The following MEGF11 variants were observed in gnomAD, a reference collection of about 807,000 sequenced individuals.
The protein encoded by MEGF11 is multiple epidermal growth factor-like domains protein 11.
MEGF11 carries 126 observed loss-of-function variants against 146.6 expected under a neutral mutation model. The ratio of observed to expected loss-of-function variants is 0.86; its 90% CI spans 0.74 to 1.00. MEGF11 has a LOEUF of 1.00. Among genes scored for constraint, MEGF11 ranks in the 50% least tolerant of loss-of-function variants. MEGF11 has a pLI of 0.00. For synonymous variants in MEGF11, 532 were observed against 583.4 expected (o/e 0.91, Z 1.27); for missense variants, 1,509 against 1,521.2 (o/e 0.99, Z 0.13).
chr15:66,103,745 G>A (rs2086932643), intron 4 of MEGF11, among the ~76,000 whole-genome samples: 1 of 152,188 alleles, frequency 6.6e-6, no homozygotes, highest in Non-Finnish European at 1.5e-5. Context: ...GATGAGGAAA[G>A]GGAAACTCAG....
intron 1 of MEGF11, among the ~76,000 whole-genome samples, chr15:66,132,157 C>G (rs1377377527): frequency 6.6e-6 from 1 of 152,216 alleles, no homozygotes; most frequent in Non-Finnish European, 1.5e-5. Context: ...TGGCAGCATC[C>G]TCTGGAGGCC....
intron 10 of MEGF11, among the ~76,000 whole-genome samples, chr15:65,939,105 A>G (rs2079889133): frequency 6.6e-6 from 1 of 152,194 alleles, no homozygotes; most frequent in African/African-American, 2.4e-5. Flanking sequence ...CCCCTTAAAT[A>G]TGCTCTGTGG....
intron 12 of MEGF11, 67 bp downstream of exon 12, chr15:65,929,653 C>G: frequency 6.6e-7 from 1 of 1,503,794 alleles, no homozygotes; most frequent in Non-Finnish European, 8.9e-7. Flanking sequence ...TGTGGACGAA[C>G]TAACACCAGG....
rs139293240 is a variant in MEGF11, at chr15:66,235,292, A to C, written c.-9+18313T>G. ...CTGAGGAGGAGGATTGCTTGAGTCC[A>C]GAAGTTTGAGACCAGCCTGGGCAAT... is the stretch of plus-strand genomic sequence containing the variant. On this transcript the variant is annotated intron_variant, in intron 1 of 25. Transcript: ENST00000395614. Among the ~76,000 whole-genome samples, 496 of 152,218 alleles carry C rather than the reference A, an allele frequency of 3.3e-3. 4 individuals carry two copies. The highest frequency in any genetic ancestry group is 0.011 in the African/African-American group (465 of 41,520).
intron 1 of MEGF11, among the ~76,000 whole-genome samples, chr15:66,227,991 C>T (rs530990212): frequency 6.6e-6 from 1 of 152,186 alleles, no homozygotes; most frequent in Non-Finnish European, 1.5e-5. Flanking sequence ...AGCCCAAGAG[C>T]TAGTCCAGGT....
chr15:65,939,251 T>C (rs2079895084), intron 10 of MEGF11, among the ~76,000 whole-genome samples: 1 of 152,154 alleles, frequency 6.6e-6, no homozygotes, highest in Non-Finnish European at 1.5e-5. Flanking sequence ...GGCTCAGCTA[T>C]CCTTTTGTTG....
intron 10 of MEGF11, among the ~76,000 whole-genome samples, chr15:65,957,231 GTC>G (rs1361259422): frequency 6.6e-6 from 1 of 152,208 alleles, no homozygotes; most frequent in Non-Finnish European, 1.5e-5. Context: ...ATGCAAAACT[GTC>G]TCTGTACATT....
chr15:66,025,776 T>C (rs975173566), intron 5 of MEGF11, among the ~76,000 whole-genome samples: 1 of 152,186 alleles, frequency 6.6e-6, no homozygotes, highest in South Asian at 2.1e-4. Context: ...CTTACACTTC[T>C]GTGAACTTCT....
intron 1 of MEGF11, among the ~76,000 whole-genome samples, chr15:66,156,907 C>T (rs1047850370): frequency 1.3e-5 from 2 of 152,078 alleles, no homozygotes; most frequent in Non-Finnish European, 2.9e-5. Flanking sequence ...CCCCTAAACC[C>T]CAACCTGTCC....
At chr15:65,946,826 C>A (rs1282822537) in intron 10 of MEGF11, among the ~76,000 whole-genome samples, 19 of 152,286 alleles carry the variant, frequency 1.2e-4, no homozygotes, top group African/African-American at 4.6e-4. Flanking sequence ...AAGCACAAGA[C>A]CCCACCTTGG....
At chr15:65,911,567 A>G (rs2078808617) in intron 21 of MEGF11, among the ~76,000 whole-genome samples, 2 of 152,164 alleles carry the variant, frequency 1.3e-5, no homozygotes, top group Non-Finnish European at 2.9e-5. Flanking sequence ...GTATGCCACC[A>G]TGCCCAGCTA....
At chr15:66,237,625 G>T (rs1032509810) in intron 1 of MEGF11, among the ~76,000 whole-genome samples, 1 of 152,152 alleles carries the variant, frequency 6.6e-6, no homozygotes, top group Non-Finnish European at 1.5e-5. Flanking sequence ...ATAACAACAG[G>T]ACCTCCTTCC....
intron 5 of MEGF11, among the ~76,000 whole-genome samples, chr15:66,083,205 G>T (rs1013351946): frequency 6.6e-6 from 1 of 152,192 alleles, no homozygotes; most frequent in Admixed American, 6.5e-5. Flanking sequence ...GCCTCCCCAG[G>T]AGCACAATCA....
intron 5 of MEGF11, among the ~76,000 whole-genome samples, chr15:66,044,636 T>G (rs150375334): frequency 6.6e-6 from 1 of 151,434 alleles, no homozygotes; most frequent in African/African-American, 2.4e-5. Context: ...AGTCCAGAAG[T>G]TTGAGACCAG....
chr15:66,228,464 C>A (rs184507932), intron 1 of MEGF11, among the ~76,000 whole-genome samples: 50 of 152,216 alleles, frequency 3.3e-4, no homozygotes, highest in African/African-American at 1.2e-3. Flanking sequence ...AGAGGGGGTG[C>A]CCATGCACTC....
chr15:66,054,298 CTT>C (rs1267803772), intron 5 of MEGF11, among the ~76,000 whole-genome samples: 1 of 152,194 alleles, frequency 6.6e-6, no homozygotes, highest in Non-Finnish European at 1.5e-5. Context: ...CAGGTCCCCT[CTT>C]GGTTTAAAAT....
At chr15:66,118,032 C>G (rs1364410608) in intron 4 of MEGF11, among the ~76,000 whole-genome samples, 1 of 152,146 alleles carries the variant, frequency 6.6e-6, no homozygotes, top group Non-Finnish European at 1.5e-5. Flanking sequence ...CCCTCTGGTG[C>G]GAACTCTCTC....
intron 7 of MEGF11, among the ~76,000 whole-genome samples, chr15:65,979,520 G>A (rs1039439258): frequency 6.6e-6 from 1 of 152,190 alleles, no homozygotes; most frequent in African/African-American, 2.4e-5. Flanking sequence ...AGGGGAGGTG[G>A]TGGACTGTGT....
rs1212391803 is a variant in MEGF11 at position 65,909,153 on chromosome 15, A to G, written c.2897-18T>C. On this transcript the variant is annotated intron_variant, in intron 22 of 25. Coordinates refer to ENST00000395614, the MANE Select transcript of MEGF11 (RefSeq NM_001385028.1). ...ATGGGAGTCTAGTGAGAGGAATGAC[A>G]GGGAGGAGCCATTATTCCCAGGGCC... The G allele has an allele frequency of 8.8e-6, 13 of 1,483,304 alleles. No homozygotes were observed. The East Asian group carries it at 3.0e-4, about 34-fold the overall frequency. 91.9% of individuals were successfully genotyped at this position (1,483,304 alleles called of 1,614,324 possible). A position where few individuals can be genotyped will look rare whatever the true frequency, so the allele number is the denominator to read the frequency against.
Sources: gnomAD v4.1 joint callset for allele counts (sites outside exome capture counted in the v4.1 genomes callset) on GRCh38, gnomAD v4.1.1 for gene constraint, MANE v1.5 for transcripts, NCBI Gene and HGNC (gene_info 2026-07-23, HGNC 2026-07-21) for gene names.